CUL2: variants seen among roughly 807,000 people sequenced by gnomAD.
CUL2 encodes the protein cullin 2.
In CUL2, 22 loss-of-function variants were observed where a neutral mutation model predicts 110.2. The observed-to-expected ratio is 0.20, with a 90% CI of 0.14 to 0.28. The LOEUF is 0.28. Among genes scored for constraint, CUL2 ranks in the 10% least tolerant of loss-of-function variants. CUL2 has a pLI of 1.00. For missense variants in CUL2, 631 were observed against 905.5 expected, an observed-to-expected ratio of 0.70 and a Z score of 3.89; for synonymous variants, 279 against 293.2, an observed-to-expected ratio of 0.95 and a Z score of 0.49.
chr10:35,114,161 A>C (rs932324306), intron 1 of CUL2, among the ~76,000 whole-genome samples: 76 of 151,306 alleles, frequency 5.0e-4, no homozygotes, highest in African/African-American at 1.8e-3. Flanking sequence ...TGACCTCGTG[A>C]TCCGCCTGCC....
At chr10:35,084,848 G>A (rs1447617967) in intron 1 of CUL2, among the ~76,000 whole-genome samples, 2 of 152,126 alleles carry the variant, frequency 1.3e-5, no homozygotes, top group African/African-American at 4.8e-5. Flanking sequence ...GGACAGGCCT[G>A]GTGGCTCACA....
At chr10:35,100,779 A>AAG (rs2087366474) in intron 2 of CUL2, 3 of 148,960 alleles carry the variant, frequency 2.0e-5, no homozygotes, top group African/African-American at 4.9e-5. Context: ...AAAAAAAAAA[A>AAG]AGACCCTACA....
At chr10:35,023,724 T>C (rs1256827206) in intron 17 of CUL2, among the ~76,000 whole-genome samples, 1 of 150,170 alleles carries the variant, frequency 6.7e-6, no homozygotes, top group Non-Finnish European at 1.5e-5. Context: ...GCAAGCTAAA[T>C]CGAACTGCAC....
At chr10:35,048,342 C>T (rs1222681013) in intron 6 of CUL2, among the ~76,000 whole-genome samples, 2 of 152,126 alleles carry the variant, frequency 1.3e-5, no homozygotes, top group Non-Finnish European at 1.5e-5. Flanking sequence ...TTTTCCAGAA[C>T]TAATATGCTT....
At chr10:35,067,136 T>A (rs1251423445) in intron 2 of CUL2, among the ~76,000 whole-genome samples, 3 of 108,010 alleles carry the variant, frequency 2.8e-5, no homozygotes, top group African/African-American at 1.0e-4. Context: ...CAAAACTCCA[T>A]CTCAAAAAAA....
At chr10:35,041,438 C>T (rs1223766802) in intron 8 of CUL2, among the ~76,000 whole-genome samples, 1 of 152,166 alleles carries the variant, frequency 6.6e-6, no homozygotes, top group Non-Finnish European at 1.5e-5. Context: ...GGCAGGAAGG[C>T]TGTACTGACT....
intron 2 of CUL2, among the ~76,000 whole-genome samples, chr10:35,067,760 T>G (rs1185303386): frequency 6.8e-6 from 1 of 148,132 alleles, no homozygotes; most frequent in Non-Finnish European, 1.5e-5. Context: ...AAAAAAAAAT[T>G]CACCATTATT....
intron 2 of CUL2, chr10:35,099,573 T>G (rs1199485380): frequency 6.6e-6 from 1 of 151,902 alleles, no homozygotes; most frequent in Non-Finnish European, 1.5e-5. Context: ...AAGACTAGCT[T>G]AGTCAACGTG....
chr10:35,037,711 C>T (rs555427253), intron 9 of CUL2, among the ~76,000 whole-genome samples: 3 of 152,062 alleles, frequency 2.0e-5, no homozygotes, highest in South Asian at 2.1e-4. Context: ...GGTGTGGGGG[C>T]GGATGCCTGT....
intron 2 of CUL2, among the ~76,000 whole-genome samples, chr10:35,068,816 A>G (rs538923147): frequency 6.6e-6 from 1 of 152,278 alleles, no homozygotes; most frequent in African/African-American, 2.4e-5. Flanking sequence ...CTTGGGCAAA[A>G]TAACAGGGAA....
intron 1 of CUL2, among the ~76,000 whole-genome samples, chr10:35,103,280 C>CA (rs1453237629): frequency 6.8e-6 from 1 of 146,768 alleles, no homozygotes; most frequent in Non-Finnish European, 1.5e-5. Flanking sequence ...GTAGCTGGGA[C>CA]ACAGGCGCCC....
chr10:35,067,139 C>CAAAAAAAAA (rs71523356), intron 2 of CUL2, among the ~76,000 whole-genome samples: 1 of 76,826 alleles, frequency 1.3e-5, no homozygotes, highest in African/African-American at 5.3e-5. Context: ...AACTCCATCT[C>CAAAAAAAAA]AAAAAAAAAA....
intron 8 of CUL2, among the ~76,000 whole-genome samples, chr10:35,042,370 T>C (rs983626689): frequency 6.6e-6 from 1 of 152,206 alleles, no homozygotes; most frequent in South Asian, 2.1e-4. Context: ...TGTTGTGATA[T>C]GTAAGTACAT....
chr10:35,099,247 T>C (rs912236434), intron 2 of CUL2, among the ~76,000 whole-genome samples: 7 of 151,964 alleles, frequency 4.6e-5, no homozygotes, highest in African/African-American at 1.7e-4. Context: ...AAAAATTAGC[T>C]GGGCATGGTG....
intron 9 of CUL2, among the ~76,000 whole-genome samples, chr10:35,038,353 G>A (rs1400333264): frequency 6.6e-6 from 1 of 150,876 alleles, no homozygotes; most frequent in East Asian, 1.9e-4. Context: ...GTGAAACCCT[G>A]TCTCTACTAA....
chr10:35,041,445 G>A (rs1302940779), intron 8 of CUL2, among the ~76,000 whole-genome samples: 3 of 152,324 alleles, frequency 2.0e-5, no homozygotes, highest in South Asian at 4.1e-4. Flanking sequence ...AGGCTGTACT[G>A]ACTCATTCCC....
chr10:35,124,272 G>C (rs1458672209), intron 1 of CUL2, among the ~76,000 whole-genome samples: 1 of 152,020 alleles, frequency 6.6e-6, no homozygotes, highest in Non-Finnish European at 1.5e-5. Context: ...GAGAAAAAGT[G>C]GTCAGATTTA....
chr10:35,051,454 A>T (rs2134855759), intron 5 of CUL2, among the ~76,000 whole-genome samples: 1 of 151,802 alleles, frequency 6.6e-6, no homozygotes, highest in African/African-American at 2.4e-5. Context: ...TCTACTAAAA[A>T]TACAAAAAAT....
At chr10:35,074,027 G>A (rs1345640984) in intron 1 of CUL2, 1 of 730,534 alleles carries the variant, frequency 1.4e-6, no homozygotes, top group Non-Finnish European at 2.4e-6. Flanking sequence ...CGGTGCTCTA[G>A]GCTGCTGTGT....
Sources: gnomAD v4.1 joint callset for allele counts (sites outside exome capture counted in the v4.1 genomes callset) on GRCh38, gnomAD v4.1.1 for gene constraint, MANE v1.5 for transcripts, NCBI Gene and HGNC (gene_info 2026-07-23, HGNC 2026-07-21) for gene names.